Variants in SMIM41 observed in about 807,000 individuals in gnomAD.
SMIM41 encodes small integral membrane protein 41.
At chr12:52,099,200 C>T (rs1350458968) in intron 2 of SMIM41, among the ~76,000 whole-genome samples, 2 of 151,646 alleles carry the variant, frequency 1.3e-5, no homozygotes, top group Non-Finnish European at 2.9e-5. Flanking sequence ...GGGGTGTGTA[C>T]ACTCCCTGCA....
chr12:52,106,920 T>C (rs1940351358), intron 2 of SMIM41, among the ~76,000 whole-genome samples: 1 of 152,228 alleles, frequency 6.6e-6, no homozygotes, highest in Non-Finnish European at 1.5e-5. Flanking sequence ...TATCAATCTA[T>C]TAGAATAAAA....
chr12:52,087,862 C>T (rs529612195), intron 2 of SMIM41, among the ~76,000 whole-genome samples: 4 of 152,316 alleles, frequency 2.6e-5, no homozygotes, highest in Admixed American at 6.5e-5. Flanking sequence ...TCCAGTCTCT[C>T]CTTGAGAGTC....
At chr12:52,084,760 G>A (rs189060772) in intron 2 of SMIM41, 36 of 152,798 alleles carry the variant, frequency 2.4e-4, no homozygotes, top group Non-Finnish European at 1.6e-4. Flanking sequence ...TACCCCAGGA[G>A]CAGTGAGGTG....
chr12:52,093,531 C>G (rs555329369), intron 2 of SMIM41: 1 of 152,112 alleles, frequency 6.6e-6, no homozygotes, highest in South Asian at 2.1e-4. Flanking sequence ...TAGGCTGCGC[C>G]GTTGGCTGAG....
chr12:52,103,457 A>C (rs138148936), intron 2 of SMIM41, among the ~76,000 whole-genome samples: 113 of 152,236 alleles, frequency 7.4e-4, no homozygotes, highest in African/African-American at 2.4e-3. Context: ...GAAATGAATA[A>C]ATCCAAAAAG....
chr12:52,105,490 C>T (rs376264638), intron 2 of SMIM41, among the ~76,000 whole-genome samples: 2 of 152,334 alleles, frequency 1.3e-5, no homozygotes, highest in East Asian at 3.9e-4. Context: ...CGGTGGCTCA[C>T]GCCTGTAATC....
chr12:52,079,925 G>A lies in SMIM41; in HGVS notation c.146G>A (p.Cys49Tyr). 1 of 387,934 alleles carries A rather than the reference G, an allele frequency of 2.6e-6. No homozygotes were observed. The highest frequency in any genetic ancestry group is 4.6e-6 in the Non-Finnish European group (1 of 219,072). The allele number at this position is 387,934 out of a possible 1,614,324, so 24.0% of individuals were successfully genotyped here. Residue 49 changes from cysteine (C) to tyrosine (Y), a missense_variant, in exon 1 of 3, where the codon TGC becomes TAC. Physicochemically the swap from Cys to Tyr is radical, Grantham distance 194. Coordinates refer to ENST00000546390, the MANE Select transcript of SMIM41 (RefSeq NM_001369216.1). The part of the protein sequence containing the change: ...VLGVLSLLVL[C>Y]GVLFLGGGLL... The stretch of plus-strand genomic sequence containing the variant: ...GGCGTGCTGTCCCTGCTGGTGCTTT[G>A]CGGGGTCCTGTTCCTGGGCGGCGGC...
intron 2 of SMIM41, among the ~76,000 whole-genome samples, chr12:52,099,010 T>TCTC (rs1940162563): frequency 6.6e-6 from 1 of 151,476 alleles, no homozygotes; most frequent in Non-Finnish European, 1.5e-5. Flanking sequence ...TAATATCATC[T>TCTC]TCTCTCTCTC....
intron 2 of SMIM41, among the ~76,000 whole-genome samples, chr12:52,105,839 G>C (rs1408325269): frequency 2.0e-5 from 3 of 152,156 alleles, no homozygotes; most frequent in Non-Finnish European, 4.4e-5. Context: ...GGGACTTAGA[G>C]TCTGGCCATT....
intron 2 of SMIM41, among the ~76,000 whole-genome samples, chr12:52,089,964 TGG>T (rs1446149878): frequency 7.2e-5 from 11 of 152,166 alleles, no homozygotes; most frequent in Non-Finnish European, 1.5e-4. Context: ...GTTCAACCTA[TGG>T]AGCAAAGCAA....
intron 2 of SMIM41, among the ~76,000 whole-genome samples, chr12:52,087,241 G>A (rs528185392): frequency 2.1e-4 from 32 of 152,288 alleles, no homozygotes; most frequent in African/African-American, 7.5e-4. Context: ...TCCTTAACTC[G>A]ATTCTTCAGT....
chr12:52,090,790 G>C (rs538131811), intron 2 of SMIM41, among the ~76,000 whole-genome samples: 1 of 152,206 alleles, frequency 6.6e-6, no homozygotes, highest in African/African-American at 2.4e-5. Flanking sequence ...TCCATAGGTG[G>C]TTGGAAATGC....
chr12:52,104,865 C>G (rs1243322657), intron 2 of SMIM41, among the ~76,000 whole-genome samples: 1 of 152,130 alleles, frequency 6.6e-6, no homozygotes, highest in Admixed American at 6.6e-5. Flanking sequence ...GCATCATGAA[C>G]CCTTACTGAG....
chr12:52,081,409 A>G lies in SMIM41; in HGVS notation c.*120+1228A>G, dbSNP rs1939817548. On this transcript the variant is annotated intron_variant, in intron 1 of 2. Transcript: ENST00000546390. This position sits in a 1 kb window ranked among gnomAD's most constrained non-coding sequence, Gnocchi z 4.1. ...CAGCTAAGCAGCTGCGAAGCTAACG[A>G]CAACGTGTGATCCCTGCCCAGCAGC... Among the ~76,000 whole-genome samples, 1 of 152,056 alleles carries G rather than the reference A, an allele frequency of 6.6e-6. No homozygotes were observed. Among genetic ancestry groups the G allele is most frequent in the African/African-American group, 2.4e-5 (1 of 41,382 alleles).
chr12:52,090,825 GCCAGCGA>G (rs1468363068), intron 2 of SMIM41, among the ~76,000 whole-genome samples: 5 of 152,150 alleles, frequency 3.3e-5, no homozygotes, highest in Non-Finnish European at 5.9e-5. Context: ...TCCATAGATG[GCCAGCGA>G]GTGGGGCAGC....
chr12:52,084,081 A>G (rs1394320422), intron 2 of SMIM41, 113 bp downstream of exon 2: 1 of 152,220 alleles, frequency 6.6e-6, no homozygotes, highest in Non-Finnish European at 1.5e-5. Context: ...GGATGAGGAG[A>G]TAAACAAGAC....
At chr12:52,092,023 G>A (rs1241550960) in intron 2 of SMIM41, 1 of 152,236 alleles carries the variant, frequency 6.6e-6, no homozygotes, top group African/African-American at 2.4e-5. Flanking sequence ...CTCCCAGCGT[G>A]CAGGCGGAGT....
chr12:52,089,676 G>T (rs1939961564), intron 2 of SMIM41, among the ~76,000 whole-genome samples: 1 of 152,106 alleles, frequency 6.6e-6, no homozygotes, highest in South Asian at 2.1e-4. Flanking sequence ...CCTCGCTTCC[G>T]GTGGTGACCG....
intron 2 of SMIM41, among the ~76,000 whole-genome samples, chr12:52,087,181 G>T (rs1471329113): frequency 6.6e-6 from 1 of 152,172 alleles, no homozygotes; most frequent in Non-Finnish European, 1.5e-5. Context: ...GGAGGGCCGG[G>T]CCTCCGCCTC....
Sources: gnomAD v4.1 joint callset for allele counts (sites outside exome capture counted in the v4.1 genomes callset) on GRCh38, gnomAD v4.1.1 for gene constraint, Gnocchi (gnomAD v3.1) non-coding constraint, MANE v1.5 for transcripts, NCBI Gene and HGNC (gene_info 2026-07-23, HGNC 2026-07-21) for gene names.